The following PPP2R2B variants were observed in gnomAD, a reference collection of about 807,000 sequenced individuals.
PPP2R2B encodes serine/threonine-protein phosphatase 2A 55 kDa regulatory subunit B beta isoform.
Under a neutral mutation model 46.0 loss-of-function variants are expected in PPP2R2B, and 5 were observed. The ratio of observed to expected loss-of-function variants is 0.11; its 90% CI spans 0.06 to 0.23. The LOEUF is 0.23. Among genes scored for constraint, PPP2R2B ranks in the 10% least tolerant of loss-of-function variants. PPP2R2B has a pLI of 1.00. For missense variants in PPP2R2B, 367 were observed against 575.0 expected, an observed-to-expected ratio of 0.64 and a Z score of 3.70; for synonymous variants, 215 against 206.7, an observed-to-expected ratio of 1.04 and a Z score of -0.34.
At chr5:146,990,706 T>C in intron 1 of PPP2R2B, among the ~76,000 whole-genome samples, 1 of 151,920 alleles carries the variant, frequency 6.6e-6, no homozygotes, top group East Asian at 1.9e-4. Flanking sequence ...AAACCAAAAA[T>C]AGACAAATGG....
chr5:146,870,832 C>G (rs1481472391), intron 2 of PPP2R2B, among the ~76,000 whole-genome samples: 1 of 152,192 alleles, frequency 6.6e-6, no homozygotes, highest in Admixed American at 6.5e-5. Flanking sequence ...AGTCATTTAC[C>G]TCTAAAGCAC....
Position 146,582,330 on chromosome 5 carries a change from G to A in PPP2R2B, c.*7617C>T, listed in dbSNP as rs555706219. The stretch of plus-strand genomic sequence containing the variant: ...GGGGCAATATCTTGGATGTGATAAT[G>A]TTGCTTCCTGCATCAGTGAACATGG... On this transcript the variant is annotated 3_prime_UTR_variant, in exon 10 of 10. Transcript: ENST00000394411. The A allele has an allele frequency of 2.0e-5, 3 of 152,316 alleles. No individual in the cohort carries two copies. The highest frequency in any genetic ancestry group is 2.4e-5 in the African/African-American group (1 of 41,568). 9.4% of individuals were successfully genotyped at this position (152,316 alleles called of 1,614,324 possible). A position where few individuals can be genotyped will look rare whatever the true frequency, so the allele number is the denominator to read the frequency against.
intron 4 of PPP2R2B, among the ~76,000 whole-genome samples, chr5:146,695,694 G>T (rs1220357345): frequency 1.3e-5 from 2 of 152,150 alleles, no homozygotes; most frequent in Non-Finnish European, 2.9e-5. Context: ...CTGTTAATGA[G>T]TAATGACTTT....
At chr5:146,986,937 A>C (rs909628721) in intron 1 of PPP2R2B, among the ~76,000 whole-genome samples, 2 of 152,168 alleles carry the variant, frequency 1.3e-5, no homozygotes, top group African/African-American at 4.8e-5. Context: ...TACAACTCAA[A>C]CAAGACTATC....
chr5:147,007,673 G>T (rs1484261964), intron 1 of PPP2R2B, among the ~76,000 whole-genome samples: 3 of 152,178 alleles, frequency 2.0e-5, no homozygotes, highest in African/African-American at 7.2e-5. Context: ...TCACTGCGAA[G>T]GTCTGTGGCT....
intron 2 of PPP2R2B, among the ~76,000 whole-genome samples, chr5:146,721,945 T>A (rs998731156): frequency 1.3e-5 from 2 of 152,206 alleles, no homozygotes; most frequent in African/African-American, 4.8e-5. Context: ...GAGATATGCA[T>A]ACCCACACAG....
intron 2 of PPP2R2B, among the ~76,000 whole-genome samples, chr5:146,854,205 G>T (rs909686302): frequency 1.1e-4 from 16 of 152,080 alleles, no homozygotes; most frequent in Admixed American, 5.9e-4. Context: ...ATGGATTTTA[G>T]AAAATCAGAG....
At chr5:146,795,278 T>C (rs911201505) in intron 2 of PPP2R2B, among the ~76,000 whole-genome samples, 1 of 152,114 alleles carries the variant, frequency 6.6e-6, no homozygotes, top group South Asian at 2.1e-4. Flanking sequence ...AGATAAGATA[T>C]AGAAACAACT....
At chr5:147,063,350 C>G (rs2151908251) in intron 2 of PPP2R2B, among the ~76,000 whole-genome samples, 1 of 152,238 alleles carries the variant, frequency 6.6e-6, no homozygotes, top group East Asian at 1.9e-4. Flanking sequence ...CTAAAATTCA[C>G]TCTTTCTCCT....
At chr5:147,034,051 C>T (rs560396180) in intron 1 of PPP2R2B, among the ~76,000 whole-genome samples, 28 of 152,218 alleles carry the variant, frequency 1.8e-4, no homozygotes, top group Middle Eastern at 3.2e-3. Flanking sequence ...CTAGCGCCTA[C>T]CTTCCATACT....
At chr5:146,627,950 T>A (rs1052842390) in intron 7 of PPP2R2B, among the ~76,000 whole-genome samples, 4 of 143,244 alleles carry the variant, frequency 2.8e-5, no homozygotes, top group Non-Finnish European at 6.1e-5. Flanking sequence ...ACATCTCAGA[T>A]TTTTTTTTTT....
At chr5:146,620,426 G>C (rs1412314741) in intron 7 of PPP2R2B, among the ~76,000 whole-genome samples, 2 of 152,178 alleles carry the variant, frequency 1.3e-5, no homozygotes, top group South Asian at 2.1e-4. Flanking sequence ...CTCTCCAGCA[G>C]GCAGCCGTAA....
Position 146,589,850 on chromosome 5 carries a change from T to G in PPP2R2B, c.*97A>C, listed in dbSNP as rs1020724315. The G allele has an allele frequency of 8.3e-7, 1 of 1,209,418 alleles. No homozygotes were observed. Among genetic ancestry groups the G allele is most frequent in the African/African-American group, 1.5e-5 (1 of 65,996 alleles). 74.9% of individuals were successfully genotyped at this position (1,209,418 alleles called of 1,614,324 possible). A position where few individuals can be genotyped will look rare whatever the true frequency, so the allele number is the denominator to read the frequency against. ...TCCAATCATTTCCTGTATAGGGAAA[T>G]TAAAGTCAATGCATCAAATGAAGAC... is the stretch of plus-strand genomic sequence containing the variant. On this transcript the variant is annotated 3_prime_UTR_variant, in exon 10 of 10. Transcript: ENST00000394411.
chr5:146,802,320 G>C (rs1289542118), intron 2 of PPP2R2B, among the ~76,000 whole-genome samples: 1 of 152,116 alleles, frequency 6.6e-6, no homozygotes, highest in Non-Finnish European at 1.5e-5. Flanking sequence ...AAATTTGTTG[G>C]ATAATTAAAT....
Position 146,749,834 on chromosome 5 carries a change from G to A in PPP2R2B, c.71-48692C>T, listed in dbSNP as rs546791781. 1.4e-3 allele frequency among the ~76,000 whole-genome samples: 217 copies of A among 152,120 alleles called. 1 individual carries two copies. The highest frequency in any genetic ancestry group is 4.9e-3 in the African/African-American group (204 of 41,528). ...AGGATGGTCTCGATCTCCTGACCTC[G>A]TGATCTGCCTGCCTTGGCCTCCCAA... is the stretch of plus-strand genomic sequence containing the variant. On this transcript the variant is annotated intron_variant, in intron 2 of 9. Transcript: ENST00000394411.
chr5:146,937,902 T>TC (rs751915430), intron 1 of PPP2R2B, among the ~76,000 whole-genome samples: 12 of 152,146 alleles, frequency 7.9e-5, no homozygotes, highest in Non-Finnish European at 1.5e-4. Flanking sequence ...GCAGTGACCT[T>TC]CCTAATTAAG....
chr5:146,840,505 G>A (rs541015863), intron 2 of PPP2R2B, among the ~76,000 whole-genome samples: 2 of 152,238 alleles, frequency 1.3e-5, no homozygotes, highest in South Asian at 4.1e-4. Context: ...GTCAAACTGT[G>A]ATTTAAAAGC....
chr5:147,028,741 T>C (rs780568133), intron 1 of PPP2R2B, among the ~76,000 whole-genome samples: 2 of 152,218 alleles, frequency 1.3e-5, no homozygotes, highest in South Asian at 2.1e-4. Context: ...TGTGCAGTTT[T>C]AGTGGATTTA....
rs575278606 is a variant in PPP2R2B at position 147,066,743 on chromosome 5, T to C, written c.50+14316A>G. Among the ~76,000 whole-genome samples the C allele has an allele frequency of 1.6e-3, 241 of 152,288 alleles. 5 individuals carry two copies. The South Asian group carries it at 0.048, about 30-fold the overall frequency. On this transcript the variant is annotated intron_variant, in intron 2 of 10. Coordinates refer to the PPP2R2B transcript ENST00000394413. Reference sequence around the variant, plus strand: ...ACTGCTAGAAAGCCATTTCTAATCATGATTTTTTTTTGTATCATCAAGCCT... The same window carrying C: ...ACTGCTAGAAAGCCATTTCTAATCACGATTTTTTTTTGTATCATCAAGCCT...
Sources: allele counts gnomAD v4.1 joint callset (sites outside exome capture counted in the v4.1 genomes callset), GRCh38; gene constraint gnomAD v4.1.1; transcripts MANE v1.5; gene names NCBI Gene and HGNC (gene_info 2026-07-23, HGNC 2026-07-21).